The following KALRN variants were observed in gnomAD, a reference collection of about 807,000 sequenced individuals.
The protein encoded by KALRN is kalirin.
In KALRN, 70 loss-of-function variants were observed where a neutral mutation model predicts 353.7. That is an observed-to-expected ratio of 0.20 (90% CI 0.16 to 0.24). The LOEUF (loss-of-function observed/expected upper bound fraction) is 0.24, where lower values mean the gene tolerates loss of function less well. Ranked by LOEUF, KALRN falls within the 10% of genes least tolerant of loss-of-function variation. The pLI is 1.00. For missense variants in KALRN, 2,791 were observed against 3,756.7 expected, an observed-to-expected ratio of 0.74 and a Z score of 6.72; for synonymous variants, 1,391 against 1,434.8, an observed-to-expected ratio of 0.97 and a Z score of 0.69.
intron 39 of KALRN, among the ~76,000 whole-genome samples, chr3:124,656,306 G>A (rs2084013914): frequency 6.6e-6 from 1 of 152,108 alleles, no homozygotes; most frequent in Non-Finnish European, 1.5e-5. Flanking sequence ...CATCTTGAAA[G>A]AACATGAAGT....
chr3:124,444,563 C>T lies in KALRN; in HGVS notation c.3314-1598C>T, dbSNP rs541715805. Among the ~76,000 whole-genome samples, 14 of 151,334 alleles carry T rather than the reference C, an allele frequency of 9.3e-5. No individual in the cohort carries two copies. In the East Asian group the frequency reaches 2.3e-3, roughly 25 times the overall value. ...CTGTAATCCTAGCACTTTGGGAGAC[C>T]GAGGAAGGAGGATCACTTGAGCTCA... On this transcript the variant is annotated intron_variant, in intron 19 of 59. Transcript: ENST00000682506.
intron 25 of KALRN, among the ~76,000 whole-genome samples, chr3:124,472,249 A>G (rs1012367297): frequency 6.6e-6 from 1 of 152,176 alleles, no homozygotes; most frequent in African/African-American, 2.4e-5. Context: ...GACCAGGCCA[A>G]TTATCCTTGG....
At chr3:124,344,036 T>C (rs2082027253) in intron 9 of KALRN, among the ~76,000 whole-genome samples, 1 of 152,244 alleles carries the variant, frequency 6.6e-6, no homozygotes, top group African/African-American at 2.4e-5. Context: ...TTCAGAGCCA[T>C]CGATAGGTAT....
At chr3:124,178,951 T>A (rs1165794543) in intron 1 of KALRN, among the ~76,000 whole-genome samples, 4 of 152,130 alleles carry the variant, frequency 2.6e-5, no homozygotes, top group South Asian at 2.1e-4. Context: ...AACATTTTTT[T>A]AAAAAATTAG....
At chr3:124,661,819 C>T (rs1282421573) in intron 44 of KALRN, 32 bp from the exon 45 acceptor site, 1 of 1,555,606 alleles carries the variant, frequency 6.4e-7, no homozygotes, top group Non-Finnish European at 8.9e-7. Context: ...GTGCTGTTCC[C>T]CCTCCTGAGT....
intron 1 of KALRN, among the ~76,000 whole-genome samples, chr3:124,077,210 G>A (rs1357040661): frequency 1.3e-5 from 2 of 152,218 alleles, no homozygotes; most frequent in Non-Finnish European, 2.9e-5. Context: ...GACCTGGGTG[G>A]ACATGGTTGT....
At chr3:124,302,576 CAT>C (rs1452983794) in intron 6 of KALRN, among the ~76,000 whole-genome samples, 1 of 152,198 alleles carries the variant, frequency 6.6e-6, no homozygotes, top group African/African-American at 2.4e-5. Flanking sequence ...TTTATTTTCA[CAT>C]GTCAAGTGTT....
intron 33 of KALRN, among the ~76,000 whole-genome samples, chr3:124,546,223 G>A (rs922407504): frequency 4.0e-5 from 6 of 151,312 alleles, no homozygotes; most frequent in South Asian, 2.1e-4. Flanking sequence ...AATTTGGGAG[G>A]TGGGCAGATC....
chr3:124,614,424 A>G (rs1005020824), intron 34 of KALRN, among the ~76,000 whole-genome samples: 3 of 151,390 alleles, frequency 2.0e-5, no homozygotes, highest in South Asian at 2.1e-4. Flanking sequence ...ATGTACCACT[A>G]TGCCTGACTA....
intron 33 of KALRN, among the ~76,000 whole-genome samples, chr3:124,560,387 A>C (rs536322574): frequency 6.6e-6 from 1 of 152,378 alleles, no homozygotes; most frequent in East Asian, 1.9e-4. Context: ...TCAGTGATAG[A>C]GAGTCTCTCA....
At chr3:124,658,603 TC>T in intron 42 of KALRN, 86 bp downstream of exon 42, 2 of 979,896 alleles carry the variant, frequency 2.0e-6, no homozygotes, top group Non-Finnish European at 3.3e-6. Flanking sequence ...ACGTCATCCA[TC>T]CATATGTGAC....
rs748614645 is a variant in KALRN at position 124,667,064 on chromosome 3, C to T, written c.6584C>T (p.Ala2195Val). The T allele has an allele frequency of 1.2e-6, 2 of 1,614,106 alleles. No homozygotes were observed. Among genetic ancestry groups the T allele is most frequent in the African/African-American group, 1.3e-5 (1 of 75,060 alleles). Reference sequence around the variant, plus strand: ...GTGGACAATGATCCCTGCAAGTTTGCACTCATGAACAGAGAGACTTCTGAG... The same window carrying T: ...GTGGACAATGATCCCTGCAAGTTTGTACTCATGAACAGAGAGACTTCTGAG... Reference protein sequence around the residue: ...ENVDNDPCKFALMNRETSERV... With the variant: ...ENVDNDPCKFVLMNRETSERV... Residue 2195 changes from alanine (A) to valine (V), a missense_variant, in exon 47 of 60, where the codon GCA becomes GTA. Coordinates refer to ENST00000682506, the MANE Select transcript of KALRN (RefSeq NM_001388419.1).
intron 34 of KALRN, among the ~76,000 whole-genome samples, chr3:124,606,308 A>C (rs571996219): frequency 6.6e-6 from 1 of 152,302 alleles, no homozygotes; most frequent in East Asian, 1.9e-4. Flanking sequence ...CTTAGATGGG[A>C]GTCCTCATTG....
chr3:124,259,427 C>T (rs1251558806), intron 3 of KALRN, among the ~76,000 whole-genome samples: 1 of 152,224 alleles, frequency 6.6e-6, no homozygotes, highest in Non-Finnish European at 1.5e-5. Flanking sequence ...CCAGTGACAT[C>T]TCCTATGGCA....
chr3:124,061,631 C>CA (rs1163739844), intron 1 of KALRN, among the ~76,000 whole-genome samples: 1 of 152,064 alleles, frequency 6.6e-6, no homozygotes, highest in East Asian at 1.9e-4. Flanking sequence ...TCTAATTTTC[C>CA]AAATATGTTT....
At chr3:124,162,116 G>A (rs2070062703) in intron 1 of KALRN, 1 of 152,244 alleles carries the variant, frequency 6.6e-6, no homozygotes, top group Non-Finnish European at 1.5e-5. Context: ...GTCTACTTGT[G>A]TGACAGGCAG....
At chr3:124,708,113 C>G (rs909353750) in intron 57 of KALRN, among the ~76,000 whole-genome samples, 18 of 152,196 alleles carry the variant, frequency 1.2e-4, no homozygotes, top group African/African-American at 3.1e-4. Flanking sequence ...GCAGTCTGAA[C>G]CTAACCAAGT....
intron 34 of KALRN, among the ~76,000 whole-genome samples, chr3:124,621,873 G>T (rs906675136): frequency 1.3e-5 from 2 of 152,200 alleles, no homozygotes; most frequent in African/African-American, 4.8e-5. Context: ...AATACTTACT[G>T]CAGGCCTTAT....
chr3:124,137,781 A>G (rs1015691029), intron 1 of KALRN, among the ~76,000 whole-genome samples: 1 of 152,148 alleles, frequency 6.6e-6, no homozygotes, highest in African/African-American at 2.4e-5. Flanking sequence ...AGAGAAGGGA[A>G]AAGGCTAAAA....
Sources: allele counts gnomAD v4.1 joint callset (sites outside exome capture counted in the v4.1 genomes callset), GRCh38; gene constraint gnomAD v4.1.1; transcripts MANE v1.5; gene names NCBI Gene and HGNC (gene_info 2026-07-23, HGNC 2026-07-21).